The following CHL1 variants were observed in gnomAD, a reference collection of about 807,000 sequenced individuals.
CHL1 encodes the protein neural cell adhesion molecule L1-like protein.
Under a neutral mutation model 141.9 loss-of-function variants are expected in CHL1, and 96 were observed. That is an observed-to-expected ratio of 0.68 (90% CI 0.57 to 0.80). The LOEUF (loss-of-function observed/expected upper bound fraction) is 0.80. Among genes scored for constraint, CHL1 ranks in the 30% least tolerant of loss-of-function variants. The pLI is 0.00. For missense variants in CHL1, 1,820 were observed against 1,457.2 expected (o/e 1.25, Z -4.05); for synonymous variants, 613 against 502.2 (o/e 1.22, Z -2.95).
intron 1 of CHL1, among the ~76,000 whole-genome samples, chr3:223,971 T>C (rs1701098961): frequency 1.3e-5 from 2 of 151,928 alleles, no homozygotes; most frequent in African/African-American, 4.8e-5. Flanking sequence ...AATGCAAGAG[T>C]CTGAAAAATA....
chr3:364,764 TC>T (rs1245279263), intron 14 of CHL1, among the ~76,000 whole-genome samples: 1 of 152,144 alleles, frequency 6.6e-6, no homozygotes, highest in Non-Finnish European at 1.5e-5. Context: ...TTCAGCCCAT[TC>T]CCGGTTAGGA....
At chr3:329,222 G>A (rs1701255444) in intron 5 of CHL1, among the ~76,000 whole-genome samples, 1 of 151,964 alleles carries the variant, frequency 6.6e-6, no homozygotes, top group South Asian at 2.1e-4. Context: ...GAGTAAATTG[G>A]TAAGTATAAA....
In CHL1 at chr3:405,496, G is replaced by A. The variant is rs1234952843; in HGVS notation, c.3460G>A (p.Asp1154Asn). The change falls in exon 28 of 28, where the codon GAC (aspartate) becomes AAC (asparagine). Residue 1154 changes from aspartate (D) to asparagine (N), a missense_variant and splice_region_variant. Asp to Asn is a conservative substitution (Grantham distance 23). Transcript: ENST00000256509. ...VKDETFGEYS[D>N]SDEKPLKGSL... is the part of the protein sequence containing the mutation. ...TATTTTTGTTTGTTTGTTTTCTAGTGACAGTGATGAAAAGCCTCTCAAAGG... is the reference window on the plus strand; with the variant it reads ...TATTTTTGTTTGTTTGTTTTCTAGTAACAGTGATGAAAAGCCTCTCAAAGG... 1 of 1,605,696 alleles carries A rather than the reference G, an allele frequency of 6.2e-7. No homozygotes were observed. Among genetic ancestry groups the A allele is most frequent in the Non-Finnish European group, 8.5e-7 (1 of 1,173,202 alleles).
intron 10 of CHL1, among the ~76,000 whole-genome samples, chr3:350,108 A>G (rs546493186): frequency 1.3e-5 from 2 of 152,330 alleles, no homozygotes; most frequent in South Asian, 4.1e-4. Flanking sequence ...TTACAGGCAA[A>G]AAAGAATAGA....
At chr3:300,215 T>C (rs114862446) in intron 2 of CHL1, among the ~76,000 whole-genome samples, 2,127 of 152,280 alleles carry the variant, frequency 0.014, 49 homozygotes, top group African/African-American at 0.049. Context: ...AGATATCAGT[T>C]TGAATCACTA....
intron 15 of CHL1, among the ~76,000 whole-genome samples, chr3:368,042 G>T (rs1368712863): frequency 6.6e-6 from 1 of 152,084 alleles, no homozygotes; most frequent in Non-Finnish European, 1.5e-5. Context: ...ATTGTAAATA[G>T]TGCTGCAATA....
intron 5 of CHL1, among the ~76,000 whole-genome samples, chr3:336,056 C>A (rs891739058): frequency 6.6e-6 from 1 of 152,152 alleles, no homozygotes; most frequent in African/African-American, 2.4e-5. Flanking sequence ...AATGACGACA[C>A]TGAAACATAT....
chr3:225,088 C>G (rs1270695312), intron 1 of CHL1, among the ~76,000 whole-genome samples: 1 of 152,200 alleles, frequency 6.6e-6, no homozygotes, highest in South Asian at 2.1e-4. Context: ...AAGCCAAGAT[C>G]TCGCCACTGC....
rs144128181 is a variant in CHL1, at chr3:265,834, C to A, written c.-95+21142C>A. Reference sequence around the variant, plus strand: ...GGTAGTAAATTGGGATAATCAACCTCGGAGTCTCTGGGATGGGAGAGATTT... The same window carrying A: ...GGTAGTAAATTGGGATAATCAACCTAGGAGTCTCTGGGATGGGAGAGATTT... On this transcript the variant is annotated intron_variant, in intron 2 of 27. Coordinates refer to ENST00000256509, the MANE Select transcript of CHL1 (RefSeq NM_006614.4). Among the ~76,000 whole-genome samples the A allele has an allele frequency of 3.2e-3, 480 of 152,206 alleles. 6 individuals carry two copies. The highest frequency in any genetic ancestry group is 0.011 in the African/African-American group (449 of 41,534).
rs534289661 is a variant in CHL1, at chr3:403,624, C to G, written c.3459-1871C>G. On this transcript the variant is annotated intron_variant, in intron 27 of 27. Transcript: ENST00000256509. ...GACAATATTAGCTCAATTTTACAGG[C>G]AAGAAAACAAAAACAATGCCTTGTC... is the stretch of plus-strand genomic sequence containing the variant. Among the ~76,000 whole-genome samples the G allele has an allele frequency of 9.2e-5, 14 of 152,208 alleles. No homozygotes were observed. The South Asian group carries it at 1.2e-3, about 14-fold the overall frequency.
chr3:316,358 G>A (rs1457276408), intron 2 of CHL1, among the ~76,000 whole-genome samples: 2 of 151,874 alleles, frequency 1.3e-5, no homozygotes, highest in Non-Finnish European at 1.5e-5. Flanking sequence ...AGTAAGATGT[G>A]ACAGTAAGAT....
At chr3:300,259 C>A (rs1698605200) in intron 2 of CHL1, among the ~76,000 whole-genome samples, 1 of 152,020 alleles carries the variant, frequency 6.6e-6, no homozygotes, top group Non-Finnish European at 1.5e-5. Flanking sequence ...ATAGAAATTG[C>A]CAGAAAAAGA....
At chr3:375,451 G>A (rs1706194697) in intron 15 of CHL1, among the ~76,000 whole-genome samples, 3 of 151,886 alleles carry the variant, frequency 2.0e-5, no homozygotes, top group Admixed American at 1.3e-4. Flanking sequence ...AGAAATAGTG[G>A]CAAATTAATG....
At position 394,783 on chromosome 3, in the gene CHL1, C is replaced by T. The variant is rs1259688992; in HGVS notation, c.3005C>T (p.Thr1002Ile). Residue 1002 changes from threonine to isoleucine, a missense_variant, in exon 24 of 28, where the codon ACT (threonine) becomes ATT (isoleucine). Physicochemically the swap from Thr to Ile is moderately conservative, Grantham distance 89 (BLOSUM62 -1). Transcript: ENST00000256509. ...TGGCACCTCTCAAACCTGAATGCAA[C>T]TACCAAGTACAAATTCTACTTGAGG... ...PSWHLSNLNA[T>I]TKYKFYLRAC... is the part of the protein sequence containing the mutation. 1.2e-6 allele frequency: 2 copies of T among 1,613,852 alleles called. No individual in the cohort carries two copies. The highest frequency in any genetic ancestry group is 1.3e-5 in the African/African-American group (1 of 74,900).
rs1693409500 is a variant in CHL1 at position 248,691 on chromosome 3, C to T, written c.-95+3999C>T. The T allele has an allele frequency of 3.9e-5, 6 of 151,960 alleles. No homozygotes were observed. The South Asian group carries it at 1.2e-3, about 32-fold the overall frequency. The allele number at this position is 151,960 out of a possible 1,614,324, so 9.4% of individuals were successfully genotyped here. ...CTTTTTTTAAGTTAATTTTTTCTTT[C>T]TTTCCAAATTCAGAAGGCAGATTCA... On this transcript the variant is annotated intron_variant, in intron 2 of 27. Coordinates refer to ENST00000256509, the MANE Select transcript of CHL1 (RefSeq NM_006614.4).
intron 2 of CHL1, among the ~76,000 whole-genome samples, chr3:278,459 G>A (rs1696348835): frequency 6.6e-6 from 1 of 152,074 alleles, no homozygotes; most frequent in South Asian, 2.1e-4. Flanking sequence ...CGATCCCAGG[G>A]GACCAGTGGT....
At chr3:235,873 C>A (rs1691921770) in intron 1 of CHL1, among the ~76,000 whole-genome samples, 1 of 152,140 alleles carries the variant, frequency 6.6e-6, no homozygotes, top group African/African-American at 2.4e-5. Context: ...ACAAGAGATG[C>A]CTCTGCCGTC....
intron 2 of CHL1, among the ~76,000 whole-genome samples, chr3:267,155 T>C (rs557459760): frequency 6.6e-6 from 1 of 152,364 alleles, no homozygotes; most frequent in South Asian, 2.1e-4. Flanking sequence ...CAGTACACCA[T>C]AGGATTTAAA....
At chr3:256,036 T>C (rs1694128620) in intron 2 of CHL1, among the ~76,000 whole-genome samples, 2 of 151,578 alleles carry the variant, frequency 1.3e-5, no homozygotes, top group African/African-American at 2.4e-5. Flanking sequence ...GAATAGTGAG[T>C]TACCTATAAT....
Sources: allele counts gnomAD v4.1 joint callset (sites outside exome capture counted in the v4.1 genomes callset), GRCh38; gene constraint gnomAD v4.1.1; transcripts MANE v1.5; gene names NCBI Gene and HGNC (gene_info 2026-07-23, HGNC 2026-07-21).